TDO2: variants seen among roughly 807,000 people sequenced by gnomAD.
TDO2 encodes tryptophan 2,3-dioxygenase, also known as tryptamin 2,3-dioxygenase.
A neutral mutation model predicts 61.2 loss-of-function variants in TDO2; 63 were observed. The observed-to-expected ratio is 1.03, with a 90% CI of 0.84 to 1.27. TDO2 has a LOEUF of 1.27. Ranked by LOEUF, TDO2 falls within the 50% of genes most tolerant of loss-of-function variation. The pLI is 0.00. For synonymous variants in TDO2, 183 were observed against 164.0 expected, an observed-to-expected ratio of 1.12 and a Z score of -0.89; for missense variants, 494 against 469.5, an observed-to-expected ratio of 1.05 and a Z score of -0.48.
intron 7 of TDO2, among the ~76,000 whole-genome samples, chr4:155,913,637 T>A (rs1742877755): frequency 6.6e-6 from 1 of 152,134 alleles, no homozygotes; most frequent in African/African-American, 2.4e-5. Context: ...ATCTCTATCA[T>A]CTTAGCATGA....
intron 8 of TDO2, 45 bp downstream of exon 8, chr4:155,914,479 T>C (rs6828277): frequency 0.052 from 70,506 of 1,348,970 alleles, 2,123 homozygotes; most frequent in Non-Finnish European, 0.061. Flanking sequence ...AATGTGTGAA[T>C]ATGAGATCAA....
At chr4:155,915,239 A>G (rs1418186659) in intron 8 of TDO2, among the ~76,000 whole-genome samples, 5 of 152,232 alleles carry the variant, frequency 3.3e-5, no homozygotes. Context: ...GAATAAAAGT[A>G]AAAATTAACT....
chr4:155,906,146 G>A (rs1171468411), intron 3 of TDO2: 2 of 152,082 alleles, frequency 1.3e-5, no homozygotes, highest in African/African-American at 4.8e-5. Context: ...TACGTAAAAT[G>A]GAGAGAATTA....
At chr4:155,917,881 A>G (rs758027308) in intron 10 of TDO2, among the ~76,000 whole-genome samples, 1 of 152,090 alleles carries the variant, frequency 6.6e-6, no homozygotes, top group African/African-American at 2.4e-5. Flanking sequence ...TGGACTCATG[A>G]GTCATATTAT....
At chr4:155,918,039 T>C (rs1159680842) in intron 10 of TDO2, 110 bp from the exon 11 acceptor site, 1 of 1,054,168 alleles carries the variant, frequency 9.5e-7, no homozygotes. Flanking sequence ...CAAGTGTTAG[T>C]TGTCAACATT....
intron 9 of TDO2, among the ~76,000 whole-genome samples, chr4:155,916,518 A>G (rs2110883776): frequency 6.6e-6 from 1 of 151,532 alleles, no homozygotes; most frequent in East Asian, 1.9e-4. Flanking sequence ...TCACTCATGA[A>G]ATGTGTTCTA....
chr4:155,918,062 A>G (rs1259832384), intron 10 of TDO2, 87 bp from the exon 11 acceptor site: 6 of 1,302,512 alleles, frequency 4.6e-6, no homozygotes, highest in Admixed American at 2.0e-5. Context: ...CTCAGAAGCA[A>G]TTATCATTAC....
intron 8 of TDO2, among the ~76,000 whole-genome samples, chr4:155,915,025 G>A (rs1164695824): frequency 6.6e-6 from 1 of 152,066 alleles, no homozygotes; most frequent in Middle Eastern, 3.2e-3. Flanking sequence ...TTGTGTGTGG[G>A]TGAGTTCTTT....
intron 5 of TDO2, among the ~76,000 whole-genome samples, chr4:155,909,789 A>G (rs1384241457): frequency 6.6e-6 from 1 of 151,306 alleles, no homozygotes; most frequent in Admixed American, 6.6e-5. Flanking sequence ...TTACAATAGA[A>G]GAAACCATTA....
intron 3 of TDO2, chr4:155,906,524 A>G (rs1287495326): frequency 5.3e-5 from 8 of 152,122 alleles, no homozygotes; most frequent in Non-Finnish European, 7.4e-5. Flanking sequence ...AAGATTATTG[A>G]CTTCCTGTGT....
In TDO2 at chr4:155,904,001, A is replaced by T. The variant is rs540234095; in HGVS notation, c.36-17A>T. 143 of 1,605,784 alleles carry T rather than the reference A, an allele frequency of 8.9e-5. 1 individual carries two copies. In the South Asian group the frequency reaches 1.5e-3, roughly 17 times the overall value. On this transcript the variant is annotated splice_polypyrimidine_tract_variant and intron_variant, in intron 1 of 11. Transcript: ENST00000536354. ...TCTAAAGCACTATTTTTCCCTCTTG[A>T]TTTATTAAATTTGCAGATATACTTT...
At chr4:155,916,058 G>T in intron 9 of TDO2, 146 bp downstream of exon 9, 5 of 600,372 alleles carry the variant, frequency 8.3e-6, no homozygotes, top group Non-Finnish European at 1.1e-5. Context: ...TAGTAATGAA[G>T]TTTTATGCCC....
intron 9 of TDO2, among the ~76,000 whole-genome samples, 184 bp downstream of exon 9, chr4:155,916,096 T>G (rs1192164087): frequency 6.6e-6 from 1 of 151,434 alleles, no homozygotes; most frequent in East Asian, 1.9e-4. Flanking sequence ...TTTTAAATAG[T>G]AAAGGCATAA....
At chr4:155,904,267 C>T in intron 2 of TDO2, 144 bp downstream of exon 2, 2 of 632,102 alleles carry the variant, frequency 3.2e-6, no homozygotes, top group Non-Finnish European at 5.6e-6. Flanking sequence ...TTCATAAACA[C>T]TTTTACGTTT....
chr4:155,918,203 G>A lies in TDO2; in HGVS notation c.1031G>A (p.Gly344Asp), dbSNP rs140094103. The change falls in exon 11 of 12, where the codon GGT becomes GAT. Residue 344 changes from glycine to aspartate, a missense_variant. Transcript: ENST00000536354. ...CTGGGCAGCAAAGCTGGCACCGGTG[G>A]TTCCTCAGGCTATCACTACCTGCGA... ...RMLGSKAGTG[G>D]SSGYHYLRST... is the part of the protein sequence containing the mutation. 2.5e-6 allele frequency: 4 copies of A among 1,613,948 alleles called. No individual in the cohort carries two copies. The African/African-American group carries it at 5.3e-5, about 22-fold the overall frequency.
chr4:155,911,767 A>G (rs1387393777), intron 7 of TDO2, among the ~76,000 whole-genome samples, 163 bp downstream of exon 7: 1 of 151,718 alleles, frequency 6.6e-6, no homozygotes, highest in African/African-American at 2.4e-5. Context: ...CATTTTCTTT[A>G]TGTGTGATAA....
At chr4:155,907,645 TTAAACA>T in intron 3 of TDO2, 71 bp from the exon 4 acceptor site, 1 of 900,018 alleles carries the variant, frequency 1.1e-6, no homozygotes, top group East Asian at 2.5e-5. Flanking sequence ...TTTCAACATG[TTAAACA>T]TATCTTTCAT....
intron 6 of TDO2, 80 bp downstream of exon 6, chr4:155,910,291 C>A: frequency 8.9e-7 from 1 of 1,118,590 alleles, no homozygotes; most frequent in Non-Finnish European, 1.2e-6. Context: ...ATTTTAAAAA[C>A]GTATATCGAA....
chr4:155,913,039 A>G (rs1330247111), intron 7 of TDO2, among the ~76,000 whole-genome samples: 1 of 152,070 alleles, frequency 6.6e-6, no homozygotes, highest in Non-Finnish European at 1.5e-5. Flanking sequence ...TAGCTCTCAA[A>G]TATCATCCTT....
Sources: allele counts gnomAD v4.1 joint callset (sites outside exome capture counted in the v4.1 genomes callset), GRCh38; gene constraint gnomAD v4.1.1; transcripts MANE v1.5; gene names NCBI Gene and HGNC (gene_info 2026-07-23, HGNC 2026-07-21).